MEIKIN: variants seen among roughly 807,000 people sequenced by gnomAD.
MEIKIN encodes the protein meiosis-specific kinetochore protein.
intron 9 of MEIKIN, among the ~76,000 whole-genome samples, chr5:131,870,548 C>G (rs886544583): frequency 1.3e-5 from 2 of 152,162 alleles, no homozygotes; most frequent in African/African-American, 2.4e-5. Context: ...CCCCTGACCT[C>G]CAGATTGATA....
intron 11 of MEIKIN, among the ~76,000 whole-genome samples, chr5:131,847,818 A>C (rs1750044388): frequency 1.3e-5 from 2 of 152,124 alleles, no homozygotes; most frequent in Admixed American, 1.3e-4. Context: ...GATATCATAC[A>C]AAGTATTTTG....
At chr5:131,843,256 CT>C (rs1420581333) in intron 11 of MEIKIN, among the ~76,000 whole-genome samples, 1 of 152,244 alleles carries the variant, frequency 6.6e-6, no homozygotes, top group Admixed American at 6.5e-5. Flanking sequence ...CTGAAATTCC[CT>C]GTAGGTATTT....
chr5:131,878,557 ACT>A (rs1281197658), intron 9 of MEIKIN, among the ~76,000 whole-genome samples: 2 of 151,174 alleles, frequency 1.3e-5, no homozygotes, highest in Admixed American at 6.6e-5. Context: ...ACAGAGTGAA[ACT>A]CTGTCTCAAA....
chr5:131,939,967 C>T (rs116089328), intron 4 of MEIKIN, among the ~76,000 whole-genome samples: 2,572 of 152,214 alleles, frequency 0.017, 40 homozygotes, highest in Middle Eastern at 0.051. Context: ...ATTATTTGAA[C>T]CTGTATTATC....
chr5:131,899,193 T>C lies in MEIKIN; in HGVS notation c.703+12622A>G, dbSNP rs74800161. Among the ~76,000 whole-genome samples, 1,134 of 152,272 alleles carry C rather than the reference T, an allele frequency of 7.4e-3. 15 individuals carry two copies. Among genetic ancestry groups the C allele is most frequent in the African/African-American group, 0.026 (1,100 of 41,554 alleles). ...AACAAAAAGTTAAAAAGTGGGGAGA[T>C]GAAGCTAAGATGTAGTTTTATTAGT... On this transcript the variant is annotated intron_variant, in intron 8 of 12. Coordinates refer to ENST00000442687, the MANE Select transcript of MEIKIN (RefSeq NM_001303622.2).
intron 3 of MEIKIN, among the ~76,000 whole-genome samples, chr5:131,943,132 A>G (rs545287771): frequency 1.3e-5 from 2 of 152,286 alleles, no homozygotes; most frequent in South Asian, 4.1e-4. Context: ...TGTATGTACA[A>G]AAGTATAGCT....
At chr5:131,811,863 G>A (rs574782198) in intron 12 of MEIKIN, among the ~76,000 whole-genome samples, 48 of 152,236 alleles carry the variant, frequency 3.2e-4, no homozygotes, top group East Asian at 1.2e-3. Context: ...CAAAGTGCTC[G>A]GATTACAGGC....
chr5:131,816,970 A>C (rs1773114509), intron 12 of MEIKIN, among the ~76,000 whole-genome samples: 1 of 152,220 alleles, frequency 6.6e-6, no homozygotes, highest in Non-Finnish European at 1.5e-5. Context: ...GGATGTTTCC[A>C]GAAGAGACTG....
chr5:131,868,307 A>G (rs868557465), intron 9 of MEIKIN, among the ~76,000 whole-genome samples: 3 of 152,054 alleles, frequency 2.0e-5, no homozygotes, highest in Non-Finnish European at 4.4e-5. Flanking sequence ...CTAGTCTTGA[A>G]CCCTGGGCTA....
At chr5:131,941,180 C>T (rs936508310) in intron 4 of MEIKIN, among the ~76,000 whole-genome samples, 6 of 71,198 alleles carry the variant, frequency 8.4e-5, no homozygotes, top group African/African-American at 2.9e-4. Context: ...TTTTTTGTGA[C>T]GAAGTCTCGC....
At chr5:131,882,607 T>C (rs1032729246) in intron 8 of MEIKIN, among the ~76,000 whole-genome samples, 1 of 152,224 alleles carries the variant, frequency 6.6e-6, no homozygotes, top group African/African-American at 2.4e-5. Flanking sequence ...AAAAAATATA[T>C]ATCTGATCAT....
chr5:131,892,419 TA>T (rs1750941618), intron 8 of MEIKIN, among the ~76,000 whole-genome samples: 1 of 152,218 alleles, frequency 6.6e-6, no homozygotes, highest in Admixed American at 6.5e-5. Flanking sequence ...CGTTTCTTTT[TA>T]TTCTTTTTTC....
intron 11 of MEIKIN, among the ~76,000 whole-genome samples, chr5:131,840,067 G>C (rs142432915): frequency 5.2e-4 from 79 of 152,148 alleles, no homozygotes; most frequent in African/African-American, 1.8e-3. Context: ...ATTCCCTCTG[G>C]TGAAAACAAA....
intron 9 of MEIKIN, among the ~76,000 whole-genome samples, chr5:131,875,958 A>C (rs1046820897): frequency 1.4e-4 from 21 of 152,214 alleles, no homozygotes; most frequent in South Asian, 4.2e-4. Flanking sequence ...AAAGCTGAAA[A>C]TGGATCCCTT....
chr5:131,896,495 A>G (rs1751054167), intron 8 of MEIKIN, among the ~76,000 whole-genome samples: 1 of 152,136 alleles, frequency 6.6e-6, no homozygotes, highest in African/African-American at 2.4e-5. Flanking sequence ...AAAGTCTCCC[A>G]TTATTATTGT....
Position 131,944,679 on chromosome 5 carries a change from T to A in MEIKIN, c.274A>T (p.Ile92Phe). The A allele has an allele frequency of 5.0e-6, 2 of 399,046 alleles. No homozygotes were observed. Among genetic ancestry groups the A allele is most frequent in the Non-Finnish European group, 8.8e-6 (2 of 226,066 alleles). 24.7% of individuals were successfully genotyped at this position (399,046 alleles called of 1,614,324 possible). Reference sequence around the variant, plus strand: ...AGCATACATACACGCAACGATGCAATCTTCTCATCCTGGGTGTCTTCACTA... The same window carrying A: ...AGCATACATACACGCAACGATGCAAACTTCTCATCCTGGGTGTCTTCACTA... The part of the protein sequence containing the change: ...RSSEDTQDEK[I>F]ASLRESVTDD... The change falls in exon 3 of 13, where the codon ATT becomes TTT. Residue 92 changes from isoleucine to phenylalanine, a missense_variant. Ile to Phe is a conservative substitution (Grantham distance 21, BLOSUM62 0). Coordinates refer to ENST00000442687, the MANE Select transcript of MEIKIN (RefSeq NM_001303622.2).
chr5:131,879,009 C>A lies in MEIKIN; in HGVS notation c.743G>T (p.Cys248Phe), dbSNP rs1750659953. ...CTTTGTTTTTTCAGGGGTTGAAGGGCAAGTTTTCTCAGCAAGTAAAATCTC... is the reference window on the plus strand; with the variant it reads ...CTTTGTTTTTTCAGGGGTTGAAGGGAAAGTTTTCTCAGCAAGTAAAATCTC... ...ACEILLAEKT[C>F]PSTPEKTKKK... The change falls in exon 9 of 13, where the codon TGC (cysteine) becomes TTC (phenylalanine). Residue 248 changes from cysteine to phenylalanine, a missense_variant. By Grantham distance (205) the Cys-to-Phe change is radical (BLOSUM62 -2). Coordinates refer to ENST00000442687, the MANE Select transcript of MEIKIN (RefSeq NM_001303622.2). 2.5e-6 allele frequency: 1 copy of A among 398,312 alleles called. No individual in the cohort carries two copies. The highest frequency in any genetic ancestry group is 4.4e-5 in the Admixed American group (1 of 22,694). The allele number at this position is 398,312 out of a possible 1,614,324, so 24.7% of individuals were successfully genotyped here.
At chr5:131,827,443 G>C (rs1345404096) in intron 11 of MEIKIN, among the ~76,000 whole-genome samples, 1 of 152,114 alleles carries the variant, frequency 6.6e-6, no homozygotes, top group Non-Finnish European at 1.5e-5. Context: ...AAAGTTAAAA[G>C]ACAGAGCTTG....
At chr5:131,873,135 T>G (rs1277363810) in intron 9 of MEIKIN, among the ~76,000 whole-genome samples, 6 of 152,216 alleles carry the variant, frequency 3.9e-5, no homozygotes, top group Non-Finnish European at 7.3e-5. Flanking sequence ...CAGGATCATA[T>G]TCACATATAA....
Sources: allele counts gnomAD v4.1 joint callset (sites outside exome capture counted in the v4.1 genomes callset), GRCh38; gene constraint gnomAD v4.1.1; transcripts MANE v1.5; gene names NCBI Gene and HGNC (gene_info 2026-07-23, HGNC 2026-07-21).